Variants in CNTN4 observed in about 807,000 individuals in gnomAD.
CNTN4 encodes contactin 4.
Under a neutral mutation model 122.5 loss-of-function variants are expected in CNTN4, and 77 were observed. That is an observed-to-expected ratio of 0.63 (90% CI 0.52 to 0.76). The LOEUF (loss-of-function observed/expected upper bound fraction) is 0.76. CNTN4 is among the 30% of genes least tolerant of loss of function. The pLI, the probability that CNTN4 is intolerant of heterozygous loss-of-function variation, is 0.00. For synonymous variants in CNTN4, 512 were observed against 447.0 expected, an observed-to-expected ratio of 1.15 and a Z score of -1.83; for missense variants, 1,256 against 1,259.1, an observed-to-expected ratio of 1.00 and a Z score of 0.04.
intron 4 of CNTN4, among the ~76,000 whole-genome samples, chr3:2,703,356 A>ACATG (rs1178062632): frequency 8.5e-5 from 13 of 152,186 alleles, no homozygotes; most frequent in Non-Finnish European, 1.6e-4. Flanking sequence ...CATGAAATGG[A>ACATG]AAAAAACTAC....
chr3:2,594,152 T>G (rs2080642757), intron 4 of CNTN4, among the ~76,000 whole-genome samples: 1 of 152,200 alleles, frequency 6.6e-6, no homozygotes. Flanking sequence ...CTTACATAGT[T>G]GTTGGCTCTT....
At position 3,003,666 on chromosome 3, in the gene CNTN4, T is replaced by C. The variant is rs111397241; in HGVS notation, c.1486+15194T>C. Among the ~76,000 whole-genome samples, 537 of 110,360 alleles carry C rather than the reference T, an allele frequency of 4.9e-3. 4 individuals carry two copies. Among genetic ancestry groups the C allele is most frequent in the African/African-American group, 0.016 (484 of 29,382 alleles). 72.4% of individuals were successfully genotyped at this position (110,360 alleles called of 152,430 possible). The stretch of plus-strand genomic sequence containing the variant: ...ATAATGGAAATATTCTGGAATTAGA[T>C]AGTAGTCATGGTTGCACCAAAAAAA... On this transcript the variant is annotated intron_variant, in intron 14 of 24. Transcript: ENST00000418658.
chr3:2,244,320 GTAAC>G (rs2040059486), intron 2 of CNTN4, among the ~76,000 whole-genome samples: 1 of 151,964 alleles, frequency 6.6e-6, no homozygotes, highest in African/African-American at 2.4e-5. Context: ...GTGACCACAG[GTAAC>G]TGAAGCTGTG....
At chr3:2,630,364 G>A (rs1295100023) in intron 4 of CNTN4, among the ~76,000 whole-genome samples, 2 of 152,258 alleles carry the variant, frequency 1.3e-5, no homozygotes, top group Admixed American at 6.5e-5. Flanking sequence ...GCTTGAACCT[G>A]GGAGGCAGAG....
intron 2 of CNTN4, among the ~76,000 whole-genome samples, chr3:2,210,089 G>C (rs2038542730): frequency 6.6e-6 from 1 of 152,048 alleles, no homozygotes; most frequent in South Asian, 2.1e-4. Context: ...AGATATGTAT[G>C]TCCCTGTATC....
intron 2 of CNTN4, among the ~76,000 whole-genome samples, chr3:2,224,274 G>T (rs1006304186): frequency 1.3e-5 from 2 of 152,096 alleles, no homozygotes; most frequent in Non-Finnish European, 2.9e-5. Flanking sequence ...TCAACAATAG[G>T]CAGAGCATAC....
intron 7 of CNTN4, among the ~76,000 whole-genome samples, chr3:2,861,494 T>G (rs948663147): frequency 2.0e-5 from 3 of 152,180 alleles, no homozygotes; most frequent in Non-Finnish European, 4.4e-5. Context: ...GAATTATATA[T>G]CCATTTAAAT....
At chr3:2,524,589 C>A (rs1051784701) in intron 3 of CNTN4, among the ~76,000 whole-genome samples, 1 of 152,020 alleles carries the variant, frequency 6.6e-6, no homozygotes, top group Non-Finnish European at 1.5e-5. Flanking sequence ...TGGCTATAAA[C>A]GAAAATGCTT....
In CNTN4 at chr3:2,317,226, AG is replaced by A. The variant is rs543710789; in HGVS notation, c.-144-21951del. 7.7e-4 allele frequency among the ~76,000 whole-genome samples: 117 copies of A among 152,360 alleles called. 1 individual carries two copies. Among genetic ancestry groups the A allele is most frequent in the African/African-American group, 2.7e-3 (113 of 41,576 alleles). ...ATCTAGACCTGATGGATTATCATAA[AG>A]AAGACAAGTTTGCATATCTGAATTC... On this transcript the variant is annotated intron_variant, in intron 2 of 24. Transcript: ENST00000418658.
rs1048086071 is a variant in CNTN4 at position 2,275,943 on chromosome 3, A to C, written c.-144-63235A>C. ...TCAAAAAAAAAAAAAAAAAACAAAA[A>C]AAAATATTAAATCTTGATTTGAAAG... On this transcript the variant is annotated intron_variant, in intron 2 of 24. Transcript: ENST00000418658. Among the ~76,000 whole-genome samples, 34 of 151,784 alleles carry C rather than the reference A, an allele frequency of 2.2e-4. 1 individual carries two copies. The highest frequency in any genetic ancestry group is 4.1e-4 in the African/African-American group (17 of 41,424).
chr3:2,494,160 T>G (rs1056310572), intron 3 of CNTN4, among the ~76,000 whole-genome samples: 1 of 152,196 alleles, frequency 6.6e-6, no homozygotes, highest in Non-Finnish European at 1.5e-5. Context: ...AAAGGATTTA[T>G]GTTTAGCCAA....
At chr3:2,494,028 AT>A (rs74511445) in intron 3 of CNTN4, among the ~76,000 whole-genome samples, 2,498 of 145,548 alleles carry the variant, frequency 0.017, 27 homozygotes, top group African/African-American at 0.034. Flanking sequence ...GTTTATTAGG[AT>A]TTTTTTTTTT....
chr3:2,896,786 A>G (rs995166723), intron 10 of CNTN4, among the ~76,000 whole-genome samples: 6 of 152,304 alleles, frequency 3.9e-5, no homozygotes, highest in South Asian at 4.1e-4. Context: ...CCAGACTCAT[A>G]AAGTCTACTA....
In CNTN4 at chr3:2,825,192, C is replaced by A. The variant is rs573809133; in HGVS notation, c.454+5611C>A. 3.4e-4 allele frequency among the ~76,000 whole-genome samples: 52 copies of A among 152,108 alleles called. No homozygotes were observed. In the South Asian group the frequency reaches 8.3e-3, roughly 24 times the overall value. ...GCCCAGGAGTTGGAGATCCACCTGGCAACACAGTGAGGCCGTCTCTAAAAA... is the reference window on the plus strand; with the variant it reads ...GCCCAGGAGTTGGAGATCCACCTGGAAACACAGTGAGGCCGTCTCTAAAAA... On this transcript the variant is annotated intron_variant, in intron 7 of 24. Transcript: ENST00000418658.
intron 2 of CNTN4, among the ~76,000 whole-genome samples, chr3:2,109,766 A>AT (rs886779009): frequency 2.6e-5 from 4 of 152,088 alleles, no homozygotes; most frequent in African/African-American, 7.2e-5. Flanking sequence ...ATAAATACGA[A>AT]TTTTTTTGTC....
intron 3 of CNTN4, among the ~76,000 whole-genome samples, chr3:2,468,356 T>C (rs548413098): frequency 6.6e-6 from 1 of 152,236 alleles, no homozygotes; most frequent in Non-Finnish European, 1.5e-5. Flanking sequence ...TCTAGGGCAG[T>C]GGGCATATCA....
chr3:2,862,847 G>T (rs1262505122), intron 7 of CNTN4, among the ~76,000 whole-genome samples: 1 of 152,168 alleles, frequency 6.6e-6, no homozygotes, highest in Non-Finnish European at 1.5e-5. Context: ...GATAAAAACA[G>T]ATTTTGGTTC....
intron 3 of CNTN4, among the ~76,000 whole-genome samples, chr3:2,350,614 C>T (rs1001240018): frequency 6.6e-6 from 1 of 151,934 alleles, no homozygotes; most frequent in Non-Finnish European, 1.5e-5. Flanking sequence ...TTTTTCTAGG[C>T]ACTTCTAAAG....
At position 2,988,362 on chromosome 3, in the gene CNTN4, A is replaced by G; in HGVS notation, c.1376A>G (p.Asp459Gly). 2 of 1,613,690 alleles carry G rather than the reference A, an allele frequency of 1.2e-6. No individual in the cohort carries two copies. The highest frequency in any genetic ancestry group is 1.7e-6 in the Non-Finnish European group (2 of 1,179,704). Reference protein sequence around the residue: ...KENERITISEDGNLRIINVTK... With the variant: ...KENERITISEGGNLRIINVTK... Reference sequence around the variant, plus strand: ...GATTTCAGAATTACCATTTCTGAAGATGGAAACCTCAGAATCATCAACGTT... The same window carrying G: ...GATTTCAGAATTACCATTTCTGAAGGTGGAAACCTCAGAATCATCAACGTT... Residue 459 changes from aspartate (D) to glycine (G), a missense_variant, in exon 14 of 25, where the codon GAT becomes GGT. Physicochemically the swap from Asp to Gly is moderately conservative, Grantham distance 94. Coordinates refer to ENST00000418658, the MANE Select transcript of CNTN4 (RefSeq NM_175607.3).
Sources: gnomAD v4.1 joint callset for allele counts (sites outside exome capture counted in the v4.1 genomes callset) on GRCh38, gnomAD v4.1.1 for gene constraint, MANE v1.5 for transcripts, NCBI Gene and HGNC (gene_info 2026-07-23, HGNC 2026-07-21) for gene names.